Variants in MMP26 observed in about 807,000 individuals in gnomAD.
MMP26 encodes matrix metalloproteinase-26.
MMP26 carries 33 observed loss-of-function variants against 31.0 expected under a neutral mutation model. The observed-to-expected ratio is 1.06, with a 90% CI of 0.81 to 1.42. MMP26 has a LOEUF of 1.42. Ranked by LOEUF, MMP26 falls within the 40% of genes most tolerant of loss-of-function variation. The pLI, the probability that MMP26 is intolerant of heterozygous loss-of-function variation, is 0.00. For missense variants in MMP26, 347 were observed against 316.1 expected, an observed-to-expected ratio of 1.10 and a Z score of -0.74; for synonymous variants, 122 against 114.9, an observed-to-expected ratio of 1.06 and a Z score of -0.40.
At chr11:4,930,229 G>T (rs983315580) in intron 2 of MMP26, among the ~76,000 whole-genome samples, 1 of 151,948 alleles carries the variant, frequency 6.6e-6, no homozygotes, top group Non-Finnish European at 1.5e-5. Context: ...GTACTACTTG[G>T]TAAATCAGTC....
intron 2 of MMP26, among the ~76,000 whole-genome samples, chr11:4,861,308 A>G (rs1850154690): frequency 6.6e-6 from 1 of 150,652 alleles, no homozygotes; most frequent in African/African-American, 2.4e-5. Flanking sequence ...GTATATACAT[A>G]TATGCTTCTA....
chr11:4,985,110 T>C (rs1192726466), intron 2 of MMP26, among the ~76,000 whole-genome samples: 1 of 152,218 alleles, frequency 6.6e-6, no homozygotes, highest in Admixed American at 6.5e-5. Context: ...GATGATATTA[T>C]TGATGGAGAT....
At chr11:4,821,613 CCT>C in intron 2 of MMP26, 2 of 1,613,962 alleles carry the variant, frequency 1.2e-6, no homozygotes, top group Non-Finnish European at 1.7e-6. Context: ...TGTACTATTT[CCT>C]CTCTATGCTT....
chr11:4,883,385 C>T (rs953138465), intron 2 of MMP26, among the ~76,000 whole-genome samples: 8 of 152,118 alleles, frequency 5.3e-5, no homozygotes. Context: ...ACATTGGTTT[C>T]AGTTCCTGGT....
At chr11:4,810,773 GA>G (rs1417182772) in intron 2 of MMP26, among the ~76,000 whole-genome samples, 3 of 152,168 alleles carry the variant, frequency 2.0e-5, no homozygotes, top group Admixed American at 1.3e-4. Flanking sequence ...CACTCAATCT[GA>G]ACAGTGAAGG....
intron 2 of MMP26, chr11:4,821,529 A>T: frequency 6.2e-7 from 1 of 1,611,786 alleles, no homozygotes; most frequent in Non-Finnish European, 8.5e-7. Context: ...TTTGTCTCCT[A>T]TATGTTGTTG....
intron 1 of MMP26, among the ~76,000 whole-genome samples, chr11:4,708,155 A>G (rs1321356136): frequency 2.0e-5 from 3 of 152,196 alleles, no homozygotes; most frequent in Non-Finnish European, 2.9e-5. Flanking sequence ...CTCGTATGTA[A>G]AGTCACAGGT....
chr11:4,956,343 G>T (rs1336409576), intron 2 of MMP26, among the ~76,000 whole-genome samples: 1 of 152,120 alleles, frequency 6.6e-6, no homozygotes, highest in Non-Finnish European at 1.5e-5. Flanking sequence ...TTGCAGCCAG[G>T]GTGGATCTTT....
intron 1 of MMP26, among the ~76,000 whole-genome samples, chr11:4,731,867 T>C (rs2133284502): frequency 6.6e-6 from 1 of 152,310 alleles, no homozygotes; most frequent in African/African-American, 2.4e-5. Flanking sequence ...TTTCCTTCTG[T>C]ATTGTGGGGA....
At chr11:4,772,258 G>A (rs1368829) in intron 2 of MMP26, among the ~76,000 whole-genome samples, 44,703 of 151,986 alleles carry the variant, frequency 0.29, 7,924 homozygotes, top group African/African-American at 0.48. Context: ...ACCAAATTAT[G>A]CATATAAATA....
intron 2 of MMP26, among the ~76,000 whole-genome samples, chr11:4,881,437 T>C (rs763235948): frequency 1.3e-5 from 2 of 152,176 alleles, no homozygotes; most frequent in African/African-American, 2.4e-5. Context: ...TGTAGACTTT[T>C]ATACATAATT....
intron 2 of MMP26, among the ~76,000 whole-genome samples, chr11:4,851,065 G>T (rs958895618): frequency 6.6e-6 from 1 of 152,114 alleles, no homozygotes; most frequent in African/African-American, 2.4e-5. Context: ...CCCCTACAAA[G>T]CATGTATAAA....
chr11:4,942,474 C>A (rs1846228418), intron 2 of MMP26, among the ~76,000 whole-genome samples: 2 of 152,000 alleles, frequency 1.3e-5, no homozygotes, highest in African/African-American at 4.8e-5. Context: ...AATATTTTAT[C>A]ATTGACCTTT....
At chr11:4,967,270 A>G (rs1451556723) in intron 2 of MMP26, among the ~76,000 whole-genome samples, 1 of 152,196 alleles carries the variant, frequency 6.6e-6, no homozygotes. Context: ...CTTTATATTC[A>G]GCTCTCTTTA....
chr11:4,889,862 A>G (rs934662508), intron 2 of MMP26: 1 of 162,792 alleles, frequency 6.1e-6, no homozygotes, highest in African/African-American at 2.4e-5. Flanking sequence ...TCCAATTCCC[A>G]TGATCGTCTT....
At chr11:4,746,099 C>T (rs981352004) in intron 1 of MMP26, among the ~76,000 whole-genome samples, 2 of 152,130 alleles carry the variant, frequency 1.3e-5, no homozygotes, top group African/African-American at 4.8e-5. Flanking sequence ...ACAAGTGATG[C>T]CATTATCAAA....
intron 2 of MMP26, among the ~76,000 whole-genome samples, chr11:4,841,155 G>T (rs148411990): frequency 6.6e-6 from 1 of 152,008 alleles, no homozygotes; most frequent in Non-Finnish European, 1.5e-5. Flanking sequence ...ACAACAAAGC[G>T]TACTTACAGG....
At chr11:4,801,652 C>T (rs944230356) in intron 2 of MMP26, among the ~76,000 whole-genome samples, 2 of 152,028 alleles carry the variant, frequency 1.3e-5, no homozygotes, top group Non-Finnish European at 2.9e-5. Flanking sequence ...AAGCGATTCT[C>T]CTGCCTCAGC....
intron 2 of MMP26, among the ~76,000 whole-genome samples, chr11:4,918,011 T>G (rs1335027075): frequency 6.6e-6 from 1 of 151,520 alleles, no homozygotes. Flanking sequence ...AAGAAAGAAA[T>G]AGAATTACTG....
Sources: allele counts gnomAD v4.1 joint callset (sites outside exome capture counted in the v4.1 genomes callset), GRCh38; gene constraint gnomAD v4.1.1; transcripts MANE v1.5; gene names NCBI Gene and HGNC (gene_info 2026-07-23, HGNC 2026-07-21).